AGTPBP1: variants seen among roughly 807,000 people sequenced by gnomAD.
AGTPBP1 encodes the protein ATP/GTP binding carboxypeptidase 1, also known as cytosolic carboxypeptidase 1.
AGTPBP1 carries 70 observed loss-of-function variants against 143.9 expected under a neutral mutation model. The ratio of observed to expected loss-of-function variants is 0.49; its 90% confidence interval spans 0.40 to 0.59. The LOEUF (loss-of-function observed/expected upper bound fraction) is 0.59, where lower values mean the gene tolerates loss of function less well. AGTPBP1 is among the 20% of genes least tolerant of loss of function. The pLI is 0.00. For synonymous variants in AGTPBP1, 463 were observed against 500.2 expected (o/e 0.93, Z 0.99); for missense variants, 1,229 against 1,464.5 (o/e 0.84, Z 2.62).
rs763266030 is a variant in AGTPBP1 at position 85,692,762 on chromosome 9, G to C, written c.84C>G (p.Ile28Met). The C allele has an allele frequency of 6.2e-7, 1 of 1,613,890 alleles. No homozygotes were observed. The highest frequency in any genetic ancestry group is 2.2e-5 in the East Asian group (1 of 44,862). ...TGTCTGATTCTGAAGGCTCAGCATT[G>C]ATCTTCTCCAGTTGAGCCAGGAGTC... ...IVGLLAQLEK[I>M]NAEPSESDTA... The change falls in exon 3 of 26, where the codon ATC becomes ATG. Residue 28 changes from isoleucine to methionine, a missense_variant. Transcript: ENST00000357081.
intron 1 of AGTPBP1, among the ~76,000 whole-genome samples, chr9:85,718,075 T>C (rs897754116): frequency 2.6e-5 from 4 of 152,220 alleles, no homozygotes; most frequent in African/African-American, 9.7e-5. Flanking sequence ...ATCCAGTCTA[T>C]CACTGATAGA....
chr9:85,570,626 T>G (rs189737921), intron 25 of AGTPBP1, among the ~76,000 whole-genome samples: 9 of 152,332 alleles, frequency 5.9e-5, no homozygotes, highest in African/African-American at 2.2e-4. Context: ...CATCATACTA[T>G]CGACTCCCCT....
At chr9:85,623,029 C>A (rs776936152) in intron 14 of AGTPBP1, among the ~76,000 whole-genome samples, 2 of 152,042 alleles carry the variant, frequency 1.3e-5, no homozygotes, top group Non-Finnish European at 2.9e-5. Flanking sequence ...AGCTCAGTTC[C>A]ACAGTGATGT....
rs770353696 is a variant in AGTPBP1, at chr9:85,692,759, A to G, written c.87T>C (p.Asn29=). The change falls in exon 3 of 26, where the codon AAT becomes AAC. Residue 29 remains asparagine (N), a synonymous_variant. Coordinates refer to ENST00000357081, the MANE Select transcript of AGTPBP1 (RefSeq NM_001330701.2). ...VGLLAQLEKI[N]AEPSESDTAR... is the part of the protein sequence containing the mutation. ...CAGTGTCTGATTCTGAAGGCTCAGC[A>G]TTGATCTTCTCCAGTTGAGCCAGGA... is the stretch of plus-strand genomic sequence containing the variant. 1 of 1,614,016 alleles carries G rather than the reference A, an allele frequency of 6.2e-7. No homozygotes were observed. The highest frequency in any genetic ancestry group is 2.2e-5 in the East Asian group (1 of 44,864).
the AGTPBP1 span, among the ~76,000 whole-genome samples, chr9:85,799,406 A>G: frequency 1.3e-5 from 2 of 152,184 alleles, no homozygotes; most frequent in African/African-American, 2.4e-5. Context: ...GAATTGCGAC[A>G]TTGTCCTCCA....
intron 25 of AGTPBP1, among the ~76,000 whole-genome samples, chr9:85,561,459 C>T (rs1826717872): frequency 1.3e-5 from 2 of 151,112 alleles, no homozygotes; most frequent in Middle Eastern, 6.9e-3. Context: ...GACATCCTAA[C>T]AGTGGAGGAC....
chr9:85,731,316 A>G lies in AGTPBP1; in HGVS notation c.-34+10459T>C, dbSNP rs879257570. Among the ~76,000 whole-genome samples, 85 of 152,232 alleles carry G rather than the reference A, an allele frequency of 5.6e-4. 2 individuals carry two copies. Among genetic ancestry groups the G allele is most frequent in the Non-Finnish European group, 1.1e-3 (78 of 68,040 alleles). On this transcript the variant is annotated intron_variant, in intron 1 of 25. Transcript: ENST00000357081. Reference sequence around the variant, plus strand: ...GAATGGCTAAACTTTAAAAAGACAGATAATAACAAGTGTTAGCAAGGATGT... The same window carrying G: ...GAATGGCTAAACTTTAAAAAGACAGGTAATAACAAGTGTTAGCAAGGATGT...
intron 25 of AGTPBP1, among the ~76,000 whole-genome samples, chr9:85,569,603 T>C (rs1827331608): frequency 6.6e-6 from 1 of 152,154 alleles, no homozygotes; most frequent in Non-Finnish European, 1.5e-5. Flanking sequence ...CTGTATTATA[T>C]GAAAAACAAA....
intron 17 of AGTPBP1, among the ~76,000 whole-genome samples, chr9:85,597,405 G>A (rs1372756741): frequency 6.6e-6 from 1 of 151,560 alleles, no homozygotes; most frequent in Non-Finnish European, 1.5e-5. Flanking sequence ...ACTACATTTA[G>A]ATAAATGAAA....
At chr9:85,558,505 T>C (rs1405268200) in intron 25 of AGTPBP1, among the ~76,000 whole-genome samples, 1 of 152,212 alleles carries the variant, frequency 6.6e-6, no homozygotes, top group Non-Finnish European at 1.5e-5. Flanking sequence ...AAAAACTAGA[T>C]CCAAATAGTA....
chr9:85,649,278 G>A (rs1833003091), intron 11 of AGTPBP1, among the ~76,000 whole-genome samples: 1 of 152,140 alleles, frequency 6.6e-6, no homozygotes, highest in Non-Finnish European at 1.5e-5. Flanking sequence ...CATTCTATAA[G>A]GACTGGGAAA....
At chr9:85,651,397 T>C (rs1019288763) in intron 11 of AGTPBP1, among the ~76,000 whole-genome samples, 1 of 152,164 alleles carries the variant, frequency 6.6e-6, no homozygotes, top group Non-Finnish European at 1.5e-5. Flanking sequence ...AGTATAATAT[T>C]AGGAAATCTA....
intron 14 of AGTPBP1, among the ~76,000 whole-genome samples, chr9:85,631,356 T>A (rs1276234634): frequency 6.6e-6 from 1 of 152,242 alleles, no homozygotes; most frequent in African/African-American, 2.4e-5. Context: ...TAATTTACTG[T>A]ATGCACTGCA....
At chr9:85,769,064 A>G in the AGTPBP1 span, among the ~76,000 whole-genome samples, 3 of 152,056 alleles carry the variant, frequency 2.0e-5, no homozygotes, top group Non-Finnish European at 4.4e-5. Flanking sequence ...AAAAAAAAAA[A>G]AAAAGAAATA....
intron 3 of AGTPBP1, among the ~76,000 whole-genome samples, chr9:85,684,464 TCAACCAATAAATA>T (rs1209821877): frequency 6.6e-6 from 1 of 152,004 alleles, no homozygotes; most frequent in Non-Finnish European, 1.5e-5. Flanking sequence ...TTGTTCCCTC[TCAACCAATAAATA>T]CACTTTTTAT....
Position 85,693,466 on chromosome 9 carries a change from C to T in AGTPBP1, c.33-653G>A, listed in dbSNP as rs555981625. On this transcript the variant is annotated intron_variant, in intron 2 of 25. Coordinates refer to ENST00000357081, the MANE Select transcript of AGTPBP1 (RefSeq NM_001330701.2). ...ACAAAAAAATTAGCCAGGCATGTGGCGCATGCCTGCAATCCCAGCTACTTG... is the reference window on the plus strand; with the variant it reads ...ACAAAAAAATTAGCCAGGCATGTGGTGCATGCCTGCAATCCCAGCTACTTG... Among the ~76,000 whole-genome samples the T allele has an allele frequency of 1.2e-4, 18 of 152,200 alleles. No individual in the cohort carries two copies. In the South Asian group the frequency reaches 3.7e-3, roughly 32 times the overall value.
the AGTPBP1 span, among the ~76,000 whole-genome samples, chr9:85,801,744 A>C: frequency 6.6e-6 from 1 of 152,186 alleles, no homozygotes; most frequent in African/African-American, 2.4e-5. Flanking sequence ...TGTTTAATGA[A>C]ATGTGATATT....
upstream of AGTPBP1, among the ~76,000 whole-genome samples, chr9:85,745,740 G>A (rs1824572320): frequency 1.3e-5 from 2 of 152,178 alleles, no homozygotes; most frequent in South Asian, 4.1e-4. Flanking sequence ...GCTCATGCCT[G>A]TAATCCCAGC....
intron 17 of AGTPBP1, among the ~76,000 whole-genome samples, chr9:85,601,101 G>C (rs1396174731): frequency 2.0e-5 from 3 of 152,064 alleles, no homozygotes; most frequent in Admixed American, 2.0e-4. Context: ...CAGGCTCCCA[G>C]GTCCCCAGCT....
Sources: allele counts gnomAD v4.1 joint callset (sites outside exome capture counted in the v4.1 genomes callset), GRCh38; gene constraint gnomAD v4.1.1; transcripts MANE v1.5; gene names NCBI Gene and HGNC (gene_info 2026-07-23, HGNC 2026-07-21).